The following DCC variants were observed in gnomAD, a reference collection of about 807,000 sequenced individuals.
The protein encoded by DCC is netrin receptor DCC.
DCC carries 58 observed loss-of-function variants against 172.5 expected under a neutral mutation model. The ratio of observed to expected loss-of-function variants is 0.34; its 90% confidence interval spans 0.27 to 0.42. The LOEUF (loss-of-function observed/expected upper bound fraction) is 0.42, where lower values mean the gene tolerates loss of function less well. Among genes scored for constraint, DCC ranks in the 10% least tolerant of loss-of-function variants. DCC has a pLI of 1.00. For missense variants in DCC, 1,740 were observed against 1,791.0 expected (o/e 0.97, Z 0.51); for synonymous variants, 709 against 644.5 (o/e 1.10, Z -1.52).
intron 2 of DCC, among the ~76,000 whole-genome samples, chr18:52,841,188 C>T (rs2038799327): frequency 6.6e-6 from 1 of 151,976 alleles, no homozygotes; most frequent in Non-Finnish European, 1.5e-5. Flanking sequence ...CAAATGCCTT[C>T]AGCCAGAAAA....
intron 7 of DCC, among the ~76,000 whole-genome samples, chr18:53,102,415 G>T (rs1047124323): frequency 6.6e-6 from 1 of 152,036 alleles, no homozygotes; most frequent in Non-Finnish European, 1.5e-5. Flanking sequence ...TGATTGTCTA[G>T]GATCTAGATT....
chr18:52,404,430 G>A (rs1249424872), intron 1 of DCC, among the ~76,000 whole-genome samples: 1 of 149,704 alleles, frequency 6.7e-6, no homozygotes, highest in African/African-American at 2.6e-5. Context: ...CGCTGACTGT[G>A]TGCCTTCCTC....
chr18:53,000,799 G>A (rs1350892911), intron 5 of DCC, among the ~76,000 whole-genome samples: 1 of 151,746 alleles, frequency 6.6e-6, no homozygotes, highest in African/African-American at 2.4e-5. Context: ...TTTCAAGGTG[G>A]TAGTTAAGCA....
At position 52,891,641 on chromosome 18, in the gene DCC, T is replaced by C. The variant is rs553091722; in HGVS notation, c.413-14403T>C. ...GCTATCTTCCATACCACTGCATTTT[T>C]ATACCTACATAACCTAAGCAAAATC... On this transcript the variant is annotated intron_variant, in intron 2 of 28. Coordinates refer to ENST00000442544, the MANE Select transcript of DCC (RefSeq NM_005215.4). Among the ~76,000 whole-genome samples the C allele has an allele frequency of 4.6e-5, 7 of 152,244 alleles. No homozygotes were observed. In the South Asian group the frequency reaches 1.5e-3, roughly 32 times the overall value.
intron 12 of DCC, among the ~76,000 whole-genome samples, chr18:53,254,793 C>T (rs982523933): frequency 6.6e-6 from 1 of 151,980 alleles, no homozygotes; most frequent in African/African-American, 2.4e-5. Context: ...TGGAATCATG[C>T]GTAGGTATAA....
intron 5 of DCC, among the ~76,000 whole-genome samples, chr18:52,943,170 C>T (rs2040490090): frequency 6.6e-6 from 1 of 152,104 alleles, no homozygotes; most frequent in East Asian, 1.9e-4. Flanking sequence ...ATAAATTTTA[C>T]AAGCAATTAA....
At chr18:52,817,616 TAATG>T (rs752452619) in intron 2 of DCC, among the ~76,000 whole-genome samples, 7 of 152,162 alleles carry the variant, frequency 4.6e-5, no homozygotes, top group Non-Finnish European at 8.8e-5. Flanking sequence ...ATTTTCATCT[TAATG>T]AGTGATGACA....
At chr18:52,883,349 TA>T (rs1568166681) in intron 2 of DCC, among the ~76,000 whole-genome samples, 2 of 20,362 alleles carry the variant, frequency 9.8e-5, no homozygotes, top group Non-Finnish European at 1.8e-4. Flanking sequence ...TTTATTTATT[TA>T]TGTGTGTGTG....
intron 5 of DCC, among the ~76,000 whole-genome samples, chr18:52,984,366 G>A (rs529385449): frequency 3.9e-5 from 6 of 151,996 alleles, no homozygotes; most frequent in Admixed American, 1.3e-4. Context: ...ACCTGTGTTT[G>A]GTAATCACTT....
chr18:52,938,546 A>G (rs186864165), intron 5 of DCC, among the ~76,000 whole-genome samples: 1 of 152,254 alleles, frequency 6.6e-6, no homozygotes, highest in Admixed American at 6.5e-5. Context: ...CATTATTTAT[A>G]CCTTGCCAAA....
At chr18:52,778,540 CT>C (rs2145180202) in intron 2 of DCC, among the ~76,000 whole-genome samples, 1 of 152,222 alleles carries the variant, frequency 6.6e-6, no homozygotes, top group African/African-American at 2.4e-5. Flanking sequence ...TCAATAGACC[CT>C]TTCCCCATCA....
At chr18:52,556,837 T>A (rs149576231) in intron 1 of DCC, among the ~76,000 whole-genome samples, 6,265 of 152,230 alleles carry the variant, frequency 0.041, 159 homozygotes, top group Non-Finnish European at 0.054. Context: ...GCCATCAGAA[T>A]GTACTTTCGT....
intron 1 of DCC, among the ~76,000 whole-genome samples, chr18:52,473,960 C>A (rs923791330): frequency 1.3e-4 from 20 of 152,194 alleles, no homozygotes; most frequent in African/African-American, 3.9e-4. Flanking sequence ...CAGCAGTGAC[C>A]CTGAACTGCA....
intron 3 of DCC, among the ~76,000 whole-genome samples, chr18:52,910,567 C>A (rs1207080670): frequency 2.0e-5 from 3 of 152,028 alleles, no homozygotes; most frequent in Non-Finnish European, 4.4e-5. Context: ...TGTGTGATGG[C>A]GAACATGTGA....
chr18:52,553,301 T>C, intron 1 of DCC, among the ~76,000 whole-genome samples: 1 of 152,018 alleles, frequency 6.6e-6, no homozygotes, highest in East Asian at 1.9e-4. Context: ...AGCAGATCAC[T>C]CACTTTTTCC....
intron 7 of DCC, among the ~76,000 whole-genome samples, chr18:53,157,068 C>T (rs2054749920): frequency 6.6e-6 from 1 of 152,178 alleles, no homozygotes; most frequent in South Asian, 2.1e-4. Context: ...CTTTTCTTCC[C>T]TGAGCAGACA....
chr18:52,881,622 A>T, intron 2 of DCC, among the ~76,000 whole-genome samples: 1 of 151,982 alleles, frequency 6.6e-6, no homozygotes, highest in Non-Finnish European at 1.5e-5. Flanking sequence ...AAGTATATGG[A>T]TTTATTGCTG....
At position 53,462,811 on chromosome 18, in the gene DCC, A is replaced by C. The variant is rs558146016; in HGVS notation, c.3619+3353A>C. ...ACACAGCTCTTCCTCTTCCGTCATG[A>C]GGCCTCTGGGAAATTCCAGCAAGGG... On this transcript the variant is annotated intron_variant, in intron 24 of 28. Transcript: ENST00000442544. 9.3e-4 allele frequency among the ~76,000 whole-genome samples: 141 copies of C among 152,260 alleles called. 1 individual carries two copies. Among genetic ancestry groups the C allele is most frequent in the Non-Finnish European group, 1.6e-3 (111 of 68,014 alleles).
intron 5 of DCC, among the ~76,000 whole-genome samples, chr18:52,994,204 T>C (rs1205889002): frequency 6.6e-6 from 1 of 152,166 alleles, no homozygotes; most frequent in Non-Finnish European, 1.5e-5. Flanking sequence ...GTTTTTCTCC[T>C]TACCAGTTGA....
Sources: gnomAD v4.1 joint callset for allele counts (sites outside exome capture counted in the v4.1 genomes callset) on GRCh38, gnomAD v4.1.1 for gene constraint, MANE v1.5 for transcripts, NCBI Gene and HGNC (gene_info 2026-07-23, HGNC 2026-07-21) for gene names.